SNRPN: variants seen among roughly 807,000 people sequenced by gnomAD.
SNRPN encodes small nuclear ribonucleoprotein-associated protein N.
Under a neutral mutation model 25.2 loss-of-function variants are expected in SNRPN, and 7 were observed. The ratio of observed to expected loss-of-function variants is 0.28; its 90% CI spans 0.16 to 0.52. The LOEUF (loss-of-function observed/expected upper bound fraction) is 0.52. Among genes scored for constraint, SNRPN ranks in the 20% least tolerant of loss-of-function variants. The probability of loss-of-function intolerance (pLI) is 0.96; values close to 1 mark genes in which losing one functional copy is unlikely to be tolerated. For synonymous variants in SNRPN, 124 were observed against 110.6 expected (o/e 1.12, Z -0.76); for missense variants, 196 against 322.5 (o/e 0.61, Z 3.00).
chr15:24,890,276 C>T (rs1351016268), intron 2 of SNRPN, among the ~76,000 whole-genome samples: 1 of 152,056 alleles, frequency 6.6e-6, no homozygotes, highest in East Asian at 1.9e-4. Flanking sequence ...TCCCTGGATA[C>T]CAACAAAGAT....
intron 2 of SNRPN, among the ~76,000 whole-genome samples, chr15:24,834,813 C>G (rs188712662): frequency 0.011 from 1,493 of 132,640 alleles, 35 homozygotes; most frequent in African/African-American, 0.039. Flanking sequence ...GTAATCCCAG[C>G]TACTCAGGAG....
intron 2 of SNRPN, among the ~76,000 whole-genome samples, chr15:24,919,105 C>T (rs1421567306): frequency 7.0e-6 from 1 of 142,708 alleles, no homozygotes; most frequent in Non-Finnish European, 1.5e-5. Flanking sequence ...ATAACATAGC[C>T]GTTTGGTTTA....
At chr15:24,843,564 C>G (rs2051886299) in intron 2 of SNRPN, among the ~76,000 whole-genome samples, 1 of 152,108 alleles carries the variant, frequency 6.6e-6, no homozygotes, top group Non-Finnish European at 1.5e-5. Flanking sequence ...AGGCGGATCA[C>G]CTGAGATCAG....
chr15:24,966,515 C>A (rs1277076933), intron 2 of SNRPN, among the ~76,000 whole-genome samples: 1 of 152,110 alleles, frequency 6.6e-6, no homozygotes, highest in Non-Finnish European at 1.5e-5. Context: ...TCCTGCCCTC[C>A]CAGGAGGGCT....
At chr15:24,899,261 T>C (rs558979729) in intron 2 of SNRPN, among the ~76,000 whole-genome samples, 2 of 152,346 alleles carry the variant, frequency 1.3e-5, no homozygotes, top group East Asian at 3.9e-4. Context: ...ACCATCACTA[T>C]GTTTGAAGAT....
intron 2 of SNRPN, among the ~76,000 whole-genome samples, chr15:24,963,859 ACCT>A (rs2075230253): frequency 6.6e-6 from 1 of 151,576 alleles, no homozygotes; most frequent in African/African-American, 2.4e-5. Context: ...ACATAGAGAG[ACCT>A]CCTCTCTACA....
chr15:24,971,444 C>T (rs1435046958), intron 3 of SNRPN, among the ~76,000 whole-genome samples: 1 of 152,098 alleles, frequency 6.6e-6, no homozygotes. Flanking sequence ...AAATCTGTCT[C>T]TTAAGGGAAT....
rs561661786 is a variant in SNRPN, at chr15:24,873,129, A to C, written c.-578-13387A>C. Among the ~76,000 whole-genome samples, 3 of 117,282 alleles carry C rather than the reference A, an allele frequency of 2.6e-5. 1 individual carries two copies. The Admixed American group carries it at 2.9e-4, about 11-fold the overall frequency. 76.9% of individuals were successfully genotyped at this position (117,282 alleles called of 152,430 possible). A position where few individuals can be genotyped will look rare whatever the true frequency, so the allele number is the denominator to read the frequency against. On this transcript the variant is annotated intron_variant, in intron 1 of 11. Transcript: ENST00000400097. ...TTTAGATCTCATGAATTTCCATATG[A>C]ATTTTAGAATCAGCTTACCAATTAC...
chr15:24,928,536 A>G (rs2060572100), intron 3 of SNRPN, among the ~76,000 whole-genome samples: 1 of 151,818 alleles, frequency 6.6e-6, no homozygotes, highest in Non-Finnish European at 1.5e-5. Flanking sequence ...AATTGTGATT[A>G]ATAATCACAA....
intron 3 of SNRPN, among the ~76,000 whole-genome samples, chr15:24,927,476 A>ATTTTTTTTTTTTTTTT: frequency 4.0e-5 from 1 of 25,092 alleles, no homozygotes; most frequent in Admixed American, 4.7e-4. Context: ...AAGTTTTTAA[A>ATTTTTTTTTTTTTTTT]TTTTTTTTTT....
At chr15:24,930,294 A>G (rs1468591418) in intron 3 of SNRPN, among the ~76,000 whole-genome samples, 1 of 150,022 alleles carries the variant, frequency 6.7e-6, no homozygotes, top group African/African-American at 2.4e-5. Flanking sequence ...ATGATTTATT[A>G]GGTTTCTTTT....
chr15:24,900,072 G>C (rs1195247737), intron 2 of SNRPN, among the ~76,000 whole-genome samples: 2 of 152,144 alleles, frequency 1.3e-5, no homozygotes, highest in African/African-American at 2.4e-5. Flanking sequence ...GTTGATTGTG[G>C]CAAAGTGCCA....
At chr15:24,882,077 A>G (rs1303678701) in intron 1 of SNRPN, among the ~76,000 whole-genome samples, 2 of 152,096 alleles carry the variant, frequency 1.3e-5, no homozygotes, top group East Asian at 3.9e-4. Flanking sequence ...TCATATCCTT[A>G]GTGTATCATT....
At chr15:24,938,702 A>G (rs2061386028) in intron 3 of SNRPN, among the ~76,000 whole-genome samples, 1 of 152,152 alleles carries the variant, frequency 6.6e-6, no homozygotes, top group Non-Finnish European at 1.5e-5. Context: ...ATCTAGGGCA[A>G]AGCCTTTACT....
intron 1 of SNRPN, among the ~76,000 whole-genome samples, chr15:24,961,153 A>G (rs748867308): frequency 5.3e-5 from 8 of 152,208 alleles, no homozygotes; most frequent in Non-Finnish European, 1.2e-4. Flanking sequence ...TGTGTAATCA[A>G]AAGTAATAAA....
intron 2 of SNRPN, among the ~76,000 whole-genome samples, chr15:24,830,630 T>G (rs1205312328): frequency 2.0e-5 from 3 of 152,134 alleles, no homozygotes; most frequent in African/African-American, 7.3e-5. Context: ...AGGTGTGTTT[T>G]CCTTTCAATT....
At chr15:24,844,291 C>T (rs1394483050) in intron 2 of SNRPN, among the ~76,000 whole-genome samples, 1 of 152,128 alleles carries the variant, frequency 6.6e-6, no homozygotes, top group Non-Finnish European at 1.5e-5. Flanking sequence ...GAATAAAACT[C>T]ATTAACTTGT....
intron 2 of SNRPN, among the ~76,000 whole-genome samples, chr15:24,835,097 G>GAT (rs1451782614): frequency 4.6e-5 from 1 of 21,908 alleles, no homozygotes; most frequent in Non-Finnish European, 9.2e-5. Flanking sequence ...AAAATATATA[G>GAT]ATATATATAC....
intron 3 of SNRPN, among the ~76,000 whole-genome samples, chr15:24,922,504 C>T (rs967646833): frequency 4.6e-5 from 7 of 152,144 alleles, no homozygotes; most frequent in Middle Eastern, 3.2e-3. Context: ...TCCTGAGCTC[C>T]CTCAAAACTC....
Sources: gnomAD v4.1 joint callset for allele counts (sites outside exome capture counted in the v4.1 genomes callset) on GRCh38, gnomAD v4.1.1 for gene constraint, MANE v1.5 for transcripts, NCBI Gene and HGNC (gene_info 2026-07-23, HGNC 2026-07-21) for gene names.